Variants in TANK observed in about 807,000 individuals in gnomAD.
TANK encodes the protein TRAF family member-associated NF-kappa-B activator.
In TANK, 15 loss-of-function variants were observed where a neutral mutation model predicts 43.6. The observed-to-expected ratio is 0.34, with a 90% CI of 0.23 to 0.53. The LOEUF is 0.53. Ranked by LOEUF, TANK falls within the 20% of genes least tolerant of loss-of-function variation. The probability of loss-of-function intolerance (pLI) is 0.94; values close to 1 mark genes in which losing one functional copy is unlikely to be tolerated. For missense variants in TANK, 417 were observed against 498.6 expected (o/e 0.84, Z 1.56); for synonymous variants, 162 against 178.2 (o/e 0.91, Z 0.73).
chr2:161,181,825 A>G (rs1362445565), intron 2 of TANK, among the ~76,000 whole-genome samples: 1 of 152,154 alleles, frequency 6.6e-6, no homozygotes, highest in African/African-American at 2.4e-5. Context: ...ACTTGCACCT[A>G]AACCTTTCTG....
upstream of TANK, chr2:161,156,076 T>C (rs1684218522): frequency 1.0e-6 from 1 of 984,192 alleles, no homozygotes; most frequent in South Asian, 4.7e-5. Flanking sequence ...TGGTTCAAAG[T>C]ATTACTTCAG....
At chr2:161,220,581 C>A (rs529392288) in intron 4 of TANK, among the ~76,000 whole-genome samples, 1 of 151,988 alleles carries the variant, frequency 6.6e-6, no homozygotes, top group South Asian at 2.1e-4. Flanking sequence ...CCAGCCAGGA[C>A]AACAAAAGCG....
Position 161,235,731 on chromosome 2 carries a change from C to T in TANK, c.*213C>T. The T allele has an allele frequency of 2.6e-6, 1 of 382,418 alleles. No individual in the cohort carries two copies. Among genetic ancestry groups the T allele is most frequent in the Non-Finnish European group, 4.6e-6 (1 of 218,908 alleles). The allele number at this position is 382,418 out of a possible 1,614,324, so 23.7% of individuals were successfully genotyped here. On this transcript the variant is annotated 3_prime_UTR_variant, in exon 8 of 8. Transcript: ENST00000392749. ...AGAAATAAGCCTAAAAGAAGAAAAA[C>T]AAAAAAAATTCTGTATAAAACTGTA...
At chr2:161,218,254 A>C (rs1047359879) in intron 4 of TANK, among the ~76,000 whole-genome samples, 1 of 152,176 alleles carries the variant, frequency 6.6e-6, no homozygotes, top group Non-Finnish European at 1.5e-5. Context: ...TCTCAGTGAT[A>C]AATATATTTT....
At chr2:161,161,022 C>T in intron 1 of TANK, 1 of 517,164 alleles carries the variant, frequency 1.9e-6, no homozygotes, top group East Asian at 3.6e-5. Flanking sequence ...TGGGTAACTT[C>T]CCAGAGGGTC....
Position 161,235,587 on chromosome 2 carries a change from G to T in TANK, c.*69G>T. The T allele has an allele frequency of 8.3e-7, 1 of 1,205,054 alleles. No individual in the cohort carries two copies. The highest frequency in any genetic ancestry group is 1.1e-6 in the Non-Finnish European group (1 of 896,456). The allele number at this position is 1,205,054 out of a possible 1,614,324, so 74.6% of individuals were successfully genotyped here. On this transcript the variant is annotated 3_prime_UTR_variant, in exon 8 of 8. Transcript: ENST00000392749. The stretch of plus-strand genomic sequence containing the variant: ...TGGGTTTTTAATACTATAAATACTT[G>T]ATTGTAAACTAAATTCAAGATCATT...
At chr2:161,145,133 C>CAT (rs1491314658) in intron 1 of TANK, among the ~76,000 whole-genome samples, 1 of 32,830 alleles carries the variant, frequency 3.0e-5, no homozygotes, top group Non-Finnish European at 5.1e-5. Context: ...GCAACCCCTG[C>CAT]TTTTTTTTTT....
At chr2:161,177,828 A>G (rs538037158) in intron 1 of TANK, among the ~76,000 whole-genome samples, 4 of 152,126 alleles carry the variant, frequency 2.6e-5, no homozygotes, top group Admixed American at 1.3e-4. Context: ...AAATTTAACA[A>G]TAAAAAGAGA....
At chr2:161,204,632 A>G (rs1686564786) in intron 3 of TANK, 43 bp from the exon 4 acceptor site, 2 of 1,567,970 alleles carry the variant, frequency 1.3e-6, no homozygotes, top group Non-Finnish European at 1.7e-6. Context: ...GGTACCAAAA[A>G]TAAGGGTTTT....
chr2:161,210,431 G>T (rs986768887), intron 4 of TANK, among the ~76,000 whole-genome samples: 2 of 152,160 alleles, frequency 1.3e-5, no homozygotes, highest in Non-Finnish European at 2.9e-5. Context: ...TAAGGATATA[G>T]TCTGGTTGGG....
chr2:161,149,708 A>T (rs1018263763), intron 1 of TANK, among the ~76,000 whole-genome samples: 2 of 149,864 alleles, frequency 1.3e-5, no homozygotes, highest in Non-Finnish European at 3.0e-5. Context: ...GGTTTTTTTC[A>T]AATGCCTTTT....
chr2:161,205,006 A>G lies in TANK; in HGVS notation c.327+213A>G, dbSNP rs912298339. On this transcript the variant is annotated intron_variant, in intron 4 of 7. Transcript: ENST00000392749. ...CTACTGACCGTTTTTCTACATCACA[A>G]GCATTTCAACAAAGAAAACATTTAA... 20 of 1,294,516 alleles carry G rather than the reference A, an allele frequency of 1.5e-5. No homozygotes were observed. In the South Asian group the frequency reaches 1.9e-4, roughly 12 times the overall value. The allele number at this position is 1,294,516 out of a possible 1,614,324, so 80.2% of individuals were successfully genotyped here.
At chr2:161,192,740 A>G (rs1273615522) in intron 2 of TANK, among the ~76,000 whole-genome samples, 1 of 152,240 alleles carries the variant, frequency 6.6e-6, no homozygotes, top group East Asian at 1.9e-4. Context: ...TTAACATTTA[A>G]TGAATGAGCG....
intron 1 of TANK, among the ~76,000 whole-genome samples, chr2:161,150,358 C>A (rs1402031284): frequency 2.0e-5 from 3 of 151,378 alleles, no homozygotes; most frequent in Non-Finnish European, 4.4e-5. Flanking sequence ...TTATTTATTT[C>A]TTCTTCCTCT....
At chr2:161,201,979 T>C (rs1686433077) in intron 2 of TANK, among the ~76,000 whole-genome samples, 1 of 152,218 alleles carries the variant, frequency 6.6e-6, no homozygotes, top group African/African-American at 2.4e-5. Flanking sequence ...GAACATATAC[T>C]GAACATCTCC....
intron 4 of TANK, among the ~76,000 whole-genome samples, chr2:161,215,911 C>G (rs919212579): frequency 1.6e-4 from 25 of 152,092 alleles, no homozygotes; most frequent in African/African-American, 5.6e-4. Context: ...TACTTATGCT[C>G]TAAGCTATAT....
intron 1 of TANK, among the ~76,000 whole-genome samples, chr2:161,141,374 T>C (rs1237741755): frequency 6.6e-6 from 1 of 152,138 alleles, no homozygotes. Flanking sequence ...GCAGAACATG[T>C]AGGTTTGTTA....
At chr2:161,137,066 A>C in intron 1 of TANK, 1 of 985,446 alleles carries the variant, frequency 1.0e-6, no homozygotes, top group Non-Finnish European at 1.2e-6. Flanking sequence ...GAGAAGAGGT[A>C]ATCTAATTTC....
intron 1 of TANK, among the ~76,000 whole-genome samples, chr2:161,175,634 C>G (rs777849897): frequency 2.0e-5 from 3 of 152,084 alleles, no homozygotes; most frequent in South Asian, 2.1e-4. Context: ...CTTTCTTGCT[C>G]ATGCTACCTC....
Sources: gnomAD v4.1 joint callset for allele counts (sites outside exome capture counted in the v4.1 genomes callset) on GRCh38, gnomAD v4.1.1 for gene constraint, MANE v1.5 for transcripts, NCBI Gene and HGNC (gene_info 2026-07-23, HGNC 2026-07-21) for gene names.